CDH8: variants seen among roughly 807,000 people sequenced by gnomAD.
CDH8 encodes cadherin-8.
A neutral mutation model predicts 68.1 loss-of-function variants in CDH8; 17 were observed. The observed-to-expected ratio is 0.25, with a 90% CI of 0.17 to 0.37. The LOEUF (loss-of-function observed/expected upper bound fraction) is 0.37. Among genes scored for constraint, CDH8 ranks in the 10% least tolerant of loss-of-function variants. The pLI is 1.00. For missense variants in CDH8, 763 were observed against 999.3 expected, an observed-to-expected ratio of 0.76 and a Z score of 3.19; for synonymous variants, 372 against 365.1, an observed-to-expected ratio of 1.02 and a Z score of -0.21.
intron 3 of CDH8, among the ~76,000 whole-genome samples, chr16:61,873,428 C>G (rs779818034): frequency 7.2e-5 from 11 of 152,106 alleles, no homozygotes; most frequent in Non-Finnish European, 1.2e-4. Context: ...CCAGGCCCCC[C>G]ACATGAAGAA....
At chr16:61,822,262 GTC>G (rs1354522529) in intron 5 of CDH8, among the ~76,000 whole-genome samples, 3 of 75,606 alleles carry the variant, frequency 4.0e-5, no homozygotes, top group South Asian at 9.0e-4. Flanking sequence ...TTCTCTCTCT[GTC>G]TCTCTCTCTC....
At chr16:61,899,942 A>C (rs1963939279) in intron 3 of CDH8, among the ~76,000 whole-genome samples, 1 of 152,002 alleles carries the variant, frequency 6.6e-6, no homozygotes, top group Non-Finnish European at 1.5e-5. Flanking sequence ...ACTATACCTG[A>C]CAATGGTCAC....
chr16:61,820,501 T>G (rs1962188721), intron 6 of CDH8, among the ~76,000 whole-genome samples: 1 of 151,826 alleles, frequency 6.6e-6, no homozygotes, highest in South Asian at 2.1e-4. Flanking sequence ...AGGCCTGTTC[T>G]TACTGAGAAT....
At chr16:61,707,541 T>A (rs968703687) in intron 10 of CDH8, among the ~76,000 whole-genome samples, 2 of 152,166 alleles carry the variant, frequency 1.3e-5, no homozygotes. Flanking sequence ...AGTGCCTGCT[T>A]TTTTGTTGCC....
chr16:61,844,281 T>TG (rs1248379915), intron 4 of CDH8, among the ~76,000 whole-genome samples: 1 of 51,814 alleles, frequency 1.9e-5, no homozygotes, highest in African/African-American at 8.0e-5. Flanking sequence ...TGTTGTGGGG[T>TG]GGGGGGAGGG....
intron 8 of CDH8, among the ~76,000 whole-genome samples, chr16:61,759,594 T>C (rs928840695): frequency 2.0e-5 from 3 of 152,142 alleles, no homozygotes; most frequent in Non-Finnish European, 4.4e-5. Flanking sequence ...CAAGAATCAC[T>C]ATTTACCAGT....
At chr16:61,832,592 T>C (rs1326984958) in intron 4 of CDH8, among the ~76,000 whole-genome samples, 1 of 151,804 alleles carries the variant, frequency 6.6e-6, no homozygotes, top group Non-Finnish European at 1.5e-5. Context: ...TAAGAACTTA[T>C]TCTAAGAAAA....
intron 2 of CDH8, among the ~76,000 whole-genome samples, chr16:61,968,952 A>G (rs939705670): frequency 6.6e-6 from 1 of 152,230 alleles, no homozygotes; most frequent in Non-Finnish European, 1.5e-5. Flanking sequence ...CCTTTACTGC[A>G]TATGGATTAT....
intron 7 of CDH8, among the ~76,000 whole-genome samples, chr16:61,794,814 G>A (rs1961460043): frequency 6.6e-6 from 1 of 151,918 alleles, no homozygotes; most frequent in Non-Finnish European, 1.5e-5. Context: ...AAGATTCAAA[G>A]GTTTATTAGG....
Position 61,960,402 on chromosome 16 carries a change from T to TATACGTGTGTGTGTATACAC in CDH8, c.253-58930_253-58929insGTGTATACACACACACGTAT, listed in dbSNP as rs1372176958. On this transcript the variant is annotated intron_variant, in intron 2 of 11. Coordinates refer to ENST00000577390, the MANE Select transcript of CDH8 (RefSeq NM_001796.5). ...ATGTGTGTGTGTATACACATACATA[T>TATACGTGTGTGTGTATACAC]ATACATATATGTGTGTGTGTATACA... Among the ~76,000 whole-genome samples the TATACGTGTGTGTGTATACAC allele has an allele frequency of 2.1e-5, 3 of 144,304 alleles. 1 individual carries two copies. Among genetic ancestry groups the TATACGTGTGTGTGTATACAC allele is most frequent in the South Asian group, 4.4e-4 (2 of 4,572 alleles). 94.7% of individuals were successfully genotyped at this position (144,304 alleles called of 152,430 possible).
intron 10 of CDH8, among the ~76,000 whole-genome samples, chr16:61,662,427 A>T (rs1416117710): frequency 6.6e-6 from 1 of 151,864 alleles, no homozygotes; most frequent in African/African-American, 2.4e-5. Flanking sequence ...CTAGAAGTAA[A>T]AAATATATGA....
At chr16:61,949,019 ACAGTAGAGGT>A (rs1051044782) in intron 2 of CDH8, among the ~76,000 whole-genome samples, 30 of 152,344 alleles carry the variant, frequency 2.0e-4, no homozygotes, top group Admixed American at 1.5e-3. Flanking sequence ...TTGGAGATAC[ACAGTAGAGGT>A]CAGAATTTAA....
intron 2 of CDH8, among the ~76,000 whole-genome samples, chr16:61,997,698 A>C (rs1223840061): frequency 6.6e-6 from 1 of 152,170 alleles, no homozygotes; most frequent in Non-Finnish European, 1.5e-5. Context: ...ATCAATATTG[A>C]GATAAACCAA....
chr16:61,714,052 C>A (rs1964677892), intron 9 of CDH8, 94 bp from the exon 10 acceptor site: 1 of 799,822 alleles, frequency 1.3e-6, no homozygotes, highest in Non-Finnish European at 2.2e-6. Flanking sequence ...TGGTCTGATA[C>A]TTTGGCTCAG....
intron 11 of CDH8, among the ~76,000 whole-genome samples, chr16:61,654,496 T>C (rs562567099): frequency 3.3e-5 from 5 of 151,100 alleles, no homozygotes; most frequent in Admixed American, 2.0e-4. Context: ...TCCCTTCTAT[T>C]AAAAAAAAAG....
At position 61,648,785 on chromosome 16, in the gene CDH8, G is replaced by A. The variant is rs983246763; in HGVS notation, c.*4823C>T. 2 of 151,856 alleles carry A rather than the reference G, an allele frequency of 1.3e-5. No individual in the cohort carries two copies. The highest frequency in any genetic ancestry group is 2.9e-5 in the Non-Finnish European group (2 of 67,898). The allele number at this position is 151,856 out of a possible 1,614,324, so 9.4% of individuals were successfully genotyped here. ...TGACAGACAAAATTCTTTTTCCTCAGATAGTCCATCAAGTCAGGAAATTTT... is the reference window on the plus strand; with the variant it reads ...TGACAGACAAAATTCTTTTTCCTCAAATAGTCCATCAAGTCAGGAAATTTT... On this transcript the variant is annotated 3_prime_UTR_variant, in exon 12 of 12. Coordinates refer to ENST00000577390, the MANE Select transcript of CDH8 (RefSeq NM_001796.5).
chr16:61,710,807 G>A (rs1964617504), intron 10 of CDH8: 1 of 151,908 alleles, frequency 6.6e-6, no homozygotes, highest in Non-Finnish European at 1.5e-5. Context: ...CAAATTTCCT[G>A]CAAACAAGAT....
chr16:61,648,690 G>A lies in CDH8; in HGVS notation c.*4918C>T, dbSNP rs1458289611. On this transcript the variant is annotated 3_prime_UTR_variant, in exon 12 of 12. Transcript: ENST00000577390. ...AAATAAAGAAAATAAGTTTGAGAAT[G>A]CTACTGTATTTAATCTTTCTGTATC... 6.6e-6 allele frequency: 1 copy of A among 151,846 alleles called. No individual in the cohort carries two copies. Among genetic ancestry groups the A allele is most frequent in the Non-Finnish European group, 1.5e-5 (1 of 67,892 alleles). The allele number at this position is 151,846 out of a possible 1,614,324, so 9.4% of individuals were successfully genotyped here. A position where few individuals can be genotyped will look rare whatever the true frequency, so the allele number is the denominator to read the frequency against.
In CDH8 at chr16:61,651,249, T is replaced by A. The variant is rs1963315692; in HGVS notation, c.*2359A>T. On this transcript the variant is annotated 3_prime_UTR_variant, in exon 12 of 12. Transcript: ENST00000577390. ...TGGTTATTACTGCAACTACTACTAA[T>A]AATTTACATTCACCAAGCACTTGTT... 6.6e-6 allele frequency: 1 copy of A among 152,154 alleles called. No homozygotes were observed. 9.4% of individuals were successfully genotyped at this position (152,154 alleles called of 1,614,324 possible).
Sources: allele counts gnomAD v4.1 joint callset (sites outside exome capture counted in the v4.1 genomes callset), GRCh38; gene constraint gnomAD v4.1.1; transcripts MANE v1.5; gene names NCBI Gene and HGNC (gene_info 2026-07-23, HGNC 2026-07-21).